Variants in LAMA2 observed in about 807,000 individuals in gnomAD.
LAMA2 encodes the protein laminin subunit alpha-2.
A neutral mutation model predicts 364.8 loss-of-function variants in LAMA2; 269 were observed. The observed-to-expected ratio is 0.74, with a 90% confidence interval of 0.67 to 0.82. The LOEUF is 0.82. LAMA2 is among the 40% of genes least tolerant of loss of function. The pLI is 0.00. For missense variants in LAMA2, 3,807 were observed against 3,873.2 expected (o/e 0.98, Z 0.45); for synonymous variants, 1,379 against 1,370.6 (o/e 1.01, Z -0.14).
chr6:129,259,475 A>G (rs967488694), intron 14 of LAMA2, among the ~76,000 whole-genome samples: 4 of 152,120 alleles, frequency 2.6e-5, no homozygotes, highest in African/African-American at 7.2e-5. Flanking sequence ...GTAATTTTTA[A>G]AACTGTGATT....
chr6:129,200,431 T>G (rs1484551882), intron 12 of LAMA2, among the ~76,000 whole-genome samples: 2 of 150,142 alleles, frequency 1.3e-5, no homozygotes, highest in East Asian at 3.9e-4. Flanking sequence ...TGTATATGTG[T>G]ACACATATAC....
intron 12 of LAMA2, among the ~76,000 whole-genome samples, chr6:129,209,954 T>C (rs1055569088): frequency 7.2e-6 from 1 of 137,944 alleles, no homozygotes; most frequent in Non-Finnish European, 1.5e-5. Context: ...CAGTGAGCCG[T>C]GATCGCGCCA....
At chr6:129,260,869 C>T (rs1320498524) in intron 15 of LAMA2, 47 bp downstream of exon 15, 1 of 1,097,438 alleles carries the variant, frequency 9.1e-7, no homozygotes, top group Non-Finnish European at 1.4e-6. Flanking sequence ...GTTCCCTCAA[C>T]ATTGCTTTCA....
At chr6:129,507,695 AC>A (rs1341520849) in intron 62 of LAMA2, 53 bp downstream of exon 62, 6 of 1,539,578 alleles carry the variant, frequency 3.9e-6, no homozygotes, top group Non-Finnish European at 5.4e-6. Flanking sequence ...ACAAATACTA[AC>A]TTCTTGCTAG....
At position 129,403,968 on chromosome 6, in the gene LAMA2, C is replaced by A. The variant is rs775043585; in HGVS notation, c.5865+9C>A. The A allele has an allele frequency of 3.1e-6, 5 of 1,613,566 alleles. No homozygotes were observed. Among genetic ancestry groups the A allele is most frequent in the Admixed American group, 3.3e-5 (2 of 59,998 alleles). ...ATGAAGCTACAAAACTGGTAAGAAA[C>A]AAATGGCACATGTGCTGGGAATGGA... On this transcript the variant is annotated intron_variant, in intron 40 of 64. Coordinates refer to ENST00000421865, the MANE Select transcript of LAMA2 (RefSeq NM_000426.4).
chr6:129,172,283 G>GT lies in LAMA2; in HGVS notation c.1307-5417dup, dbSNP rs542628922. On this transcript the variant is annotated intron_variant, in intron 9 of 64. Transcript: ENST00000421865. ...TTAGAGTTTCCAGTTTTTCTGTTCT[G>GT]TTTTTTCCCCATCTTTGTGGTTTTA... 6.5e-3 allele frequency among the ~76,000 whole-genome samples: 988 copies of GT among 152,212 alleles called. 5 individuals carry two copies. Among genetic ancestry groups the GT allele is most frequent in the South Asian group, 0.016 (77 of 4,816 alleles).
intron 29 of LAMA2, 119 bp from the exon 30 acceptor site, chr6:129,342,224 T>C (rs1776306565): frequency 2.6e-6 from 2 of 780,876 alleles, no homozygotes; most frequent in Admixed American, 1.9e-5. Flanking sequence ...TGTGAGTGTG[T>C]GTGTGTAAGA....
intron 40 of LAMA2, among the ~76,000 whole-genome samples, chr6:129,408,444 T>C (rs1358065954): frequency 1.3e-5 from 2 of 152,130 alleles, no homozygotes. Context: ...GTGAGTGCCT[T>C]GTTCAGAGGC....
chr6:129,315,187 G>A (rs941961674), intron 24 of LAMA2, among the ~76,000 whole-genome samples: 3 of 152,120 alleles, frequency 2.0e-5, no homozygotes, highest in African/African-American at 7.2e-5. Flanking sequence ...TTTTTGGAGT[G>A]AAAACATGTT....
intron 40 of LAMA2, among the ~76,000 whole-genome samples, chr6:129,426,223 T>G (rs1781317750): frequency 6.6e-6 from 1 of 152,190 alleles, no homozygotes; most frequent in Non-Finnish European, 1.5e-5. Flanking sequence ...CTCTTCTCTT[T>G]GCTCATTGTC....
intron 21 of LAMA2, 70 bp downstream of exon 21, chr6:129,297,935 T>G: frequency 1.5e-6 from 2 of 1,346,128 alleles, no homozygotes; most frequent in Non-Finnish European, 2.1e-6. Context: ...TGTAACAGTT[T>G]GTTCTTTTAA....
Position 128,886,455 on chromosome 6 carries a change from T to A in LAMA2, c.112+3098T>A, listed in dbSNP as rs533897137. Reference sequence around the variant, plus strand: ...GGTGACAAAAAAGGTTGGCTCACTTTTACACAAAACTCATAGAAGCACATA... The same window carrying A: ...GGTGACAAAAAAGGTTGGCTCACTTATACACAAAACTCATAGAAGCACATA... On this transcript the variant is annotated intron_variant, in intron 1 of 64. Coordinates refer to ENST00000421865, the MANE Select transcript of LAMA2 (RefSeq NM_000426.4). 1.5e-3 allele frequency among the ~76,000 whole-genome samples: 228 copies of A among 152,272 alleles called. 2 individuals carry two copies. The highest frequency in any genetic ancestry group is 5.1e-3 in the African/African-American group (210 of 41,556).
At chr6:129,437,243 T>G (rs536004258) in intron 41 of LAMA2, among the ~76,000 whole-genome samples, 1 of 152,210 alleles carries the variant, frequency 6.6e-6, no homozygotes, top group East Asian at 1.9e-4. Flanking sequence ...CTTAGGAAAT[T>G]TACTCAACTT....
chr6:128,975,283 C>T lies in LAMA2; in HGVS notation c.113-74635C>T, dbSNP rs1000127431. On this transcript the variant is annotated intron_variant, in intron 1 of 64. Coordinates refer to ENST00000421865, the MANE Select transcript of LAMA2 (RefSeq NM_000426.4). ...TCTTAGAAGAGTTAGGGAAGACTTCCCAAAGGAAGTGGCAATTAACCTGAG... is the reference window on the plus strand; with the variant it reads ...TCTTAGAAGAGTTAGGGAAGACTTCTCAAAGGAAGTGGCAATTAACCTGAG... Among the ~76,000 whole-genome samples the T allele has an allele frequency of 5.3e-5, 8 of 152,118 alleles. No individual in the cohort carries two copies. The South Asian group carries it at 8.3e-4, about 16-fold the overall frequency.
Position 129,300,303 on chromosome 6 carries a change from T to C in LAMA2, c.3038-433T>C, listed in dbSNP as rs75994821. Among the ~76,000 whole-genome samples, 500 of 152,318 alleles carry C rather than the reference T, an allele frequency of 3.3e-3. 3 individuals are homozygous for C. The highest frequency in any genetic ancestry group is 0.011 in the African/African-American group (449 of 41,576). ...GAATTTAAGAAGCTTATTAAGCTTA[T>C]TGGTTTTTACTGCAGATCGGGCTCA... is the stretch of plus-strand genomic sequence containing the variant. On this transcript the variant is annotated intron_variant, in intron 21 of 64. Coordinates refer to ENST00000421865, the MANE Select transcript of LAMA2 (RefSeq NM_000426.4).
chr6:129,340,449 C>G (rs1431453018), intron 29 of LAMA2, among the ~76,000 whole-genome samples: 1 of 151,864 alleles, frequency 6.6e-6, no homozygotes, highest in Non-Finnish European at 1.5e-5. Context: ...AGGACGGAAA[C>G]AAATGTCAAA....
At chr6:128,886,067 C>T (rs543046945) in intron 1 of LAMA2, among the ~76,000 whole-genome samples, 14 of 152,156 alleles carry the variant, frequency 9.2e-5, no homozygotes, top group East Asian at 1.9e-4. Flanking sequence ...AAGGTCAATC[C>T]GGAAAGAAGT....
intron 22 of LAMA2, among the ~76,000 whole-genome samples, chr6:129,306,636 G>A (rs1428407028): frequency 6.6e-6 from 1 of 151,030 alleles, no homozygotes; most frequent in East Asian, 1.9e-4. Flanking sequence ...TCTCACTGAG[G>A]TTCTTATTTT....
At chr6:129,382,758 A>C (rs1778765357) in intron 34 of LAMA2, among the ~76,000 whole-genome samples, 2 of 152,324 alleles carry the variant, frequency 1.3e-5, no homozygotes, top group Middle Eastern at 6.8e-3. Flanking sequence ...TTTTTCAGTA[A>C]ATAAAATATG....
Sources: allele counts gnomAD v4.1 joint callset (sites outside exome capture counted in the v4.1 genomes callset), GRCh38; gene constraint gnomAD v4.1.1; transcripts MANE v1.5; gene names NCBI Gene and HGNC (gene_info 2026-07-23, HGNC 2026-07-21).